The following ARHGAP42 variants were observed in gnomAD, a reference collection of about 807,000 sequenced individuals.
The protein encoded by ARHGAP42 is rho GTPase-activating protein 42.
ARHGAP42 carries 63 observed loss-of-function variants against 125.0 expected under a neutral mutation model. The ratio of observed to expected loss-of-function variants is 0.50; its 90% CI spans 0.41 to 0.62. ARHGAP42 has a LOEUF of 0.62. ARHGAP42 is among the 20% of genes least tolerant of loss of function. The pLI is 0.00. For synonymous variants in ARHGAP42, 339 were observed against 351.0 expected (o/e 0.97, Z 0.38); for missense variants, 766 against 1,024.2 (o/e 0.75, Z 3.44).
intron 4 of ARHGAP42, among the ~76,000 whole-genome samples, chr11:100,862,148 C>T (rs1724479781): frequency 6.6e-6 from 1 of 152,092 alleles, no homozygotes. Context: ...TCACAGCAAA[C>T]TGTGAGGTGT....
chr11:100,986,200 T>C, intron 22 of ARHGAP42: 1 of 421,310 alleles, frequency 2.4e-6, no homozygotes, highest in South Asian at 1.7e-5. Context: ...CATGCAGACT[T>C]GAAGCAGGAA....
At chr11:100,865,892 G>A (rs989849292) in intron 4 of ARHGAP42, among the ~76,000 whole-genome samples, 1 of 152,136 alleles carries the variant, frequency 6.6e-6, no homozygotes, top group Admixed American at 6.6e-5. Flanking sequence ...GGCTGGGGTG[G>A]CTGTGGCGGT....
chr11:100,950,270 A>G (rs1282529915), intron 12 of ARHGAP42, among the ~76,000 whole-genome samples: 1 of 141,714 alleles, frequency 7.1e-6, no homozygotes, highest in African/African-American at 2.5e-5. Flanking sequence ...ATTATATTAT[A>G]TTTTTATTAT....
chr11:100,732,464 G>T (rs769900802), intron 1 of ARHGAP42, among the ~76,000 whole-genome samples: 8 of 152,296 alleles, frequency 5.3e-5, no homozygotes, highest in Non-Finnish European at 5.9e-5. Context: ...CATCGTCTCA[G>T]ACCAAAATTA....
At chr11:100,988,044 C>A (rs903393218) in intron 23 of ARHGAP42, among the ~76,000 whole-genome samples, 7 of 152,138 alleles carry the variant, frequency 4.6e-5, no homozygotes, top group Non-Finnish European at 1.0e-4. Flanking sequence ...AGGAGAATGG[C>A]TTGAACCAGG....
At chr11:100,833,783 T>C (rs1864717179) in intron 3 of ARHGAP42, among the ~76,000 whole-genome samples, 2 of 152,124 alleles carry the variant, frequency 1.3e-5, no homozygotes, top group South Asian at 4.1e-4. Context: ...GTTTCATATA[T>C]GTTAGAAGTG....
At chr11:100,691,446 T>C (rs979158922) in intron 1 of ARHGAP42, among the ~76,000 whole-genome samples, 2 of 152,140 alleles carry the variant, frequency 1.3e-5, no homozygotes, top group Non-Finnish European at 2.9e-5. Context: ...CTTGTAATAA[T>C]ACACAGACCC....
chr11:100,723,864 T>C (rs1861808051), intron 1 of ARHGAP42, among the ~76,000 whole-genome samples: 1 of 152,206 alleles, frequency 6.6e-6, no homozygotes, highest in African/African-American at 2.4e-5. Context: ...AGTTTCTCAC[T>C]ATTCAATATG....
At chr11:100,861,505 G>A (rs1051986535) in intron 4 of ARHGAP42, among the ~76,000 whole-genome samples, 10 of 152,200 alleles carry the variant, frequency 6.6e-5, no homozygotes, top group African/African-American at 2.4e-4. Flanking sequence ...AACCAGTTTT[G>A]GGGCTGGCAG....
In ARHGAP42 at chr11:100,929,936, G is replaced by C. The variant is rs531624540; in HGVS notation, c.598-3220G>C. Among the ~76,000 whole-genome samples, 7 of 152,142 alleles carry C rather than the reference G, an allele frequency of 4.6e-5. No individual in the cohort carries two copies. In the South Asian group the frequency reaches 6.2e-4, roughly 14 times the overall value. ...TTGTTCCTTTTCTGTCTTGTAATGG[G>C]GTTATTTTAAAAGATTATTTATCTG... On this transcript the variant is annotated intron_variant, in intron 6 of 23. Transcript: ENST00000298815.
At chr11:100,774,209 G>T (rs1467186364) in intron 2 of ARHGAP42, among the ~76,000 whole-genome samples, 1 of 152,196 alleles carries the variant, frequency 6.6e-6, no homozygotes, top group Admixed American at 6.5e-5. Flanking sequence ...ATTACACCAA[G>T]CTGTTCTACA....
chr11:100,883,267 A>G (rs2135179708), intron 4 of ARHGAP42, among the ~76,000 whole-genome samples: 1 of 152,244 alleles, frequency 6.6e-6, no homozygotes, highest in East Asian at 1.9e-4. Context: ...AGGACAGATT[A>G]TTTATTCATT....
At chr11:100,812,867 C>T (rs1864181298) in intron 3 of ARHGAP42, among the ~76,000 whole-genome samples, 1 of 152,156 alleles carries the variant, frequency 6.6e-6, no homozygotes. Context: ...GACTTTTGCT[C>T]TGTAGAAGGG....
intron 1 of ARHGAP42, among the ~76,000 whole-genome samples, chr11:100,722,326 T>C (rs1861773795): frequency 6.6e-6 from 1 of 152,154 alleles, no homozygotes; most frequent in Admixed American, 6.5e-5. Context: ...TACTAGTCCT[T>C]TGTATATTTT....
chr11:100,732,782 C>T (rs1861982632), intron 1 of ARHGAP42, among the ~76,000 whole-genome samples: 1 of 152,174 alleles, frequency 6.6e-6, no homozygotes. Context: ...ACTCCTCTTC[C>T]ATCAAACACT....
intron 1 of ARHGAP42, among the ~76,000 whole-genome samples, chr11:100,728,868 A>T (rs1861909448): frequency 6.6e-6 from 1 of 151,386 alleles, no homozygotes; most frequent in South Asian, 2.1e-4. Context: ...TCCCAGCTTC[A>T]AGCGGTTCTT....
intron 1 of ARHGAP42, among the ~76,000 whole-genome samples, chr11:100,708,566 T>G (rs1861513635): frequency 6.6e-6 from 1 of 151,864 alleles, no homozygotes; most frequent in Non-Finnish European, 1.5e-5. Flanking sequence ...AATCAGCAAA[T>G]AGTGGATATT....
At position 100,941,882 on chromosome 11, in the gene ARHGAP42, A is replaced by T; in HGVS notation, c.931A>T (p.Met311Leu). The stretch of plus-strand genomic sequence containing the variant: ...TTCAGAAATGAAATCCAGTGGGAAA[A>T]TGGTGAGTTAGTTTTGTTTTCTGTT... ...SVSEMKSSGKMNGLVTSSPEM... is the reference protein window; with the variant it reads ...SVSEMKSSGKLNGLVTSSPEM... Residue 311 changes from methionine (M) to leucine (L), a missense_variant and splice_region_variant, in exon 9 of 24, where the codon ATG becomes TTG. By Grantham distance (15) the Met-to-Leu change is conservative. Transcript: ENST00000298815. 1 of 1,521,972 alleles carries T rather than the reference A, an allele frequency of 6.6e-7. No individual in the cohort carries two copies. The highest frequency in any genetic ancestry group is 1.3e-5 in the South Asian group (1 of 78,888). The allele number at this position is 1,521,972 out of a possible 1,614,324, so 94.3% of individuals were successfully genotyped here.
intron 1 of ARHGAP42, among the ~76,000 whole-genome samples, chr11:100,719,320 A>G (rs747722117): frequency 5.9e-5 from 9 of 152,248 alleles, no homozygotes; most frequent in African/African-American, 9.6e-5. Flanking sequence ...CTGCAGATTA[A>G]GACTGTAACA....
Sources: allele counts gnomAD v4.1 joint callset (sites outside exome capture counted in the v4.1 genomes callset), GRCh38; gene constraint gnomAD v4.1.1; transcripts MANE v1.5; gene names NCBI Gene and HGNC (gene_info 2026-07-23, HGNC 2026-07-21).